POLDIP3: variants seen among roughly 807,000 people sequenced by gnomAD.
POLDIP3 encodes polymerase delta-interacting protein 3.
POLDIP3 carries 14 observed loss-of-function variants against 45.1 expected under a neutral mutation model. The observed-to-expected ratio is 0.31, with a 90% CI of 0.20 to 0.49. POLDIP3 has a LOEUF of 0.49. Among genes scored for constraint, POLDIP3 ranks in the 20% least tolerant of loss-of-function variants. The pLI is 0.99. For synonymous variants in POLDIP3, 223 were observed against 205.2 expected, an observed-to-expected ratio of 1.09 and a Z score of -0.74; for missense variants, 511 against 538.8, an observed-to-expected ratio of 0.95 and a Z score of 0.51.
Position 42,594,961 on chromosome 22 carries a change from C to A in POLDIP3, c.891+576G>T, listed in dbSNP as rs148844756. 6.8e-4 allele frequency among the ~76,000 whole-genome samples: 103 copies of A among 152,332 alleles called. No homozygotes were observed. In the East Asian group the frequency reaches 0.017, roughly 25 times the overall value. On this transcript the variant is annotated intron_variant, in intron 6 of 8. Coordinates refer to ENST00000252115, the MANE Select transcript of POLDIP3 (RefSeq NM_032311.5). ...CCCTGACTCTGAGATTCAGGCCAGGCACCTGGCCTTGGCTAGAAGCTGTGC... is the reference window on the plus strand; with the variant it reads ...CCCTGACTCTGAGATTCAGGCCAGGAACCTGGCCTTGGCTAGAAGCTGTGC...
chr22:42,603,393 T>C (rs1926525594), intron 1 of POLDIP3, among the ~76,000 whole-genome samples: 1 of 106,126 alleles, frequency 9.4e-6, no homozygotes, highest in African/African-American at 5.0e-5. Context: ...TGGCAAGTTT[T>C]ATTCCTAGTT....
In POLDIP3 at chr22:42,585,092, A is replaced by C. The variant is rs1018972454; in HGVS notation, c.*699T>G. ...GGGGTGGGGCATTCAGCACAACTCAAGGAAAAGGGAAAGGTGAACTCTGGA... is the reference window on the plus strand; with the variant it reads ...GGGGTGGGGCATTCAGCACAACTCACGGAAAAGGGAAAGGTGAACTCTGGA... On this transcript the variant is annotated 3_prime_UTR_variant, in exon 9 of 9. Coordinates refer to ENST00000252115, the MANE Select transcript of POLDIP3 (RefSeq NM_032311.5). 1 of 441,610 alleles carries C rather than the reference A, an allele frequency of 2.3e-6. No individual in the cohort carries two copies. The highest frequency in any genetic ancestry group is 2.0e-5 in the African/African-American group (1 of 49,254). 27.4% of individuals were successfully genotyped at this position (441,610 alleles called of 1,614,324 possible). A position where few individuals can be genotyped will look rare whatever the true frequency, so the allele number is the denominator to read the frequency against.
chr22:42,605,284 C>A (rs187304580), intron 1 of POLDIP3, among the ~76,000 whole-genome samples: 1 of 152,208 alleles, frequency 6.6e-6, no homozygotes, highest in Non-Finnish European at 1.5e-5. Flanking sequence ...CCCGCCACCA[C>A]GGCCGGCTAA....
chr22:42,607,604 G>A (rs936128554), intron 1 of POLDIP3, among the ~76,000 whole-genome samples: 3 of 149,916 alleles, frequency 2.0e-5, no homozygotes, highest in Non-Finnish European at 1.5e-5. Context: ...CTGCCCGGCC[G>A]TCCAGTCTGG....
intron 1 of POLDIP3, among the ~76,000 whole-genome samples, chr22:42,612,900 C>T (rs1412403388): frequency 1.3e-5 from 2 of 152,182 alleles, no homozygotes; most frequent in African/African-American, 2.4e-5. Flanking sequence ...AGTGAGGAAA[C>T]TGCCTAGTTC....
rs370107416 is a variant in POLDIP3, at chr22:42,594,550, T to A, written c.891+987A>T. On this transcript the variant is annotated intron_variant, in intron 6 of 8. Transcript: ENST00000252115. ...ACAAAACAAAAAGATTTAACAAATGTAGTGACCAGTGCAGTCTGTTAGTCT... is the reference window on the plus strand; with the variant it reads ...ACAAAACAAAAAGATTTAACAAATGAAGTGACCAGTGCAGTCTGTTAGTCT... Among the ~76,000 whole-genome samples, 15 of 152,128 alleles carry A rather than the reference T, an allele frequency of 9.9e-5. No homozygotes were observed. The East Asian group carries it at 1.2e-3, about 12-fold the overall frequency.
Position 42,596,171 on chromosome 22 carries a change from C to A in POLDIP3, c.813+15G>T. On this transcript the variant is annotated intron_variant, in intron 5 of 8. Coordinates refer to ENST00000252115, the MANE Select transcript of POLDIP3 (RefSeq NM_032311.5). ...CTCCTGACCCCAACTGCTGCAGTCA[C>A]CACCATCACCTCACCTCAGCAGCTG... is the stretch of plus-strand genomic sequence containing the variant. The A allele has an allele frequency of 6.2e-7, 1 of 1,613,160 alleles. No homozygotes were observed. Among genetic ancestry groups the A allele is most frequent in the Non-Finnish European group, 8.5e-7 (1 of 1,179,496 alleles).
rs553143769 is a variant in POLDIP3 at position 42,614,090 on chromosome 22, A to T, written c.59+709T>A. The stretch of plus-strand genomic sequence containing the variant: ...ACACACCAGTTTTTCAAGCCCATGT[A>T]GGAGGCCAACTCAGCCAGCAATTAA... On this transcript the variant is annotated intron_variant, in intron 1 of 8. Coordinates refer to ENST00000252115, the MANE Select transcript of POLDIP3 (RefSeq NM_032311.5). 8.5e-5 allele frequency among the ~76,000 whole-genome samples: 13 copies of T among 152,298 alleles called. No homozygotes were observed. In the South Asian group the frequency reaches 2.7e-3, roughly 32 times the overall value.
intron 1 of POLDIP3, among the ~76,000 whole-genome samples, chr22:42,610,700 C>T (rs1177718043): frequency 5.3e-5 from 8 of 152,112 alleles, no homozygotes; most frequent in Non-Finnish European, 1.0e-4. Flanking sequence ...TCCAGGAGTT[C>T]GAAACCAGCC....
Position 42,599,669 on chromosome 22 carries a change from G to A in POLDIP3, c.633+29C>T, listed in dbSNP as rs371084898. 1.0e-5 allele frequency: 15 copies of A among 1,492,850 alleles called. No homozygotes were observed. The East Asian group carries it at 1.1e-4, about 11-fold the overall frequency. 92.5% of individuals were successfully genotyped at this position (1,492,850 alleles called of 1,614,324 possible). A position where few individuals can be genotyped will look rare whatever the true frequency, so the allele number is the denominator to read the frequency against. On this transcript the variant is annotated intron_variant, in intron 4 of 8. Coordinates refer to ENST00000252115, the MANE Select transcript of POLDIP3 (RefSeq NM_032311.5). Reference sequence around the variant, plus strand: ...CTCTCCCACCTGCCTGATCAGACACGCAGTGTAAGAAAACATGAAATGCCA... The same window carrying A: ...CTCTCCCACCTGCCTGATCAGACACACAGTGTAAGAAAACATGAAATGCCA...
At chr22:42,592,224 G>A (rs967647157) in intron 6 of POLDIP3, 140 bp from the exon 7 acceptor site, 13 of 1,257,856 alleles carry the variant, frequency 1.0e-5, no homozygotes, top group Admixed American at 2.1e-5. Flanking sequence ...GGCTCCACGC[G>A]AGGTGGTGCT....
intron 8 of POLDIP3, among the ~76,000 whole-genome samples, chr22:42,586,426 C>T (rs983420768): frequency 2.0e-5 from 3 of 152,088 alleles, no homozygotes; most frequent in Non-Finnish European, 2.9e-5. Context: ...CTTCCAGGCT[C>T]AAGCGATCCT....
intron 1 of POLDIP3, 73 bp from the exon 2 acceptor site, chr22:42,603,233 G>C: frequency 1.3e-6 from 2 of 1,514,052 alleles, no homozygotes; most frequent in East Asian, 2.3e-5. Flanking sequence ...CGGAACTGTG[G>C]TAACACTGGG....
At chr22:42,607,096 C>A (rs1037515783) in intron 1 of POLDIP3, among the ~76,000 whole-genome samples, 21 of 152,218 alleles carry the variant, frequency 1.4e-4, no homozygotes, top group Non-Finnish European at 2.1e-4. Flanking sequence ...AAAACCCTGT[C>A]TCTACAAAAG....
chr22:42,597,905 G>A (rs778279476), intron 4 of POLDIP3, among the ~76,000 whole-genome samples: 6 of 148,040 alleles, frequency 4.1e-5, no homozygotes, highest in Non-Finnish European at 8.9e-5. Flanking sequence ...TCAGCCTCCC[G>A]AGCAGCTGGG....
intron 3 of POLDIP3, among the ~76,000 whole-genome samples, chr22:42,600,791 G>C (rs1926314621): frequency 6.6e-6 from 1 of 152,098 alleles, no homozygotes; most frequent in Non-Finnish European, 1.5e-5. Context: ...CCAACATGGA[G>C]AAACACCGTC....
At chr22:42,593,626 C>T (rs1925805222) in intron 6 of POLDIP3, among the ~76,000 whole-genome samples, 1 of 152,216 alleles carries the variant, frequency 6.6e-6, no homozygotes, top group Non-Finnish European at 1.5e-5. Context: ...CTAAGTGATT[C>T]TCCTGCCTTA....
chr22:42,596,211 G>A lies in POLDIP3; in HGVS notation c.788C>T (p.Pro263Leu), dbSNP rs1373755599. The change falls in exon 5 of 9, where the codon CCC becomes CTC. Residue 263 changes from proline (P) to leucine (L), a missense_variant. Physicochemically the swap from Pro to Leu is moderately conservative, Grantham distance 98. Transcript: ENST00000252115. ...CTCAGCAGCTGGCAGCTCTTTGGGG[G>A]GTTCTTCCTTGTTCACCAGTGTCCG... ...MSRTLVNKEE[P>L]PKELPAAEPV... 1.2e-6 allele frequency: 2 copies of A among 1,614,178 alleles called. No homozygotes were observed. The highest frequency in any genetic ancestry group is 1.7e-5 in the Admixed American group (1 of 60,018).
Position 42,591,956 on chromosome 22 carries a change from G to A in POLDIP3, c.1020C>T (p.Asp340=), listed in dbSNP as rs761616063. 1.0e-4 allele frequency: 163 copies of A among 1,614,002 alleles called. No homozygotes were observed. Among genetic ancestry groups the A allele is most frequent in the Admixed American group, 2.2e-4 (13 of 60,004 alleles). Residue 340 remains aspartate, a splice_region_variant and synonymous_variant, in exon 7 of 9, where the codon GAC becomes GAT. Coordinates refer to ENST00000252115, the MANE Select transcript of POLDIP3 (RefSeq NM_032311.5). ...AYKKYNNRCL[D]GQPMKCNLHM... ...GGGACTGCTTTCTCCCTAACTTACCGTCCAGACACCGGTTGTTGTACTTCT... is the reference window on the plus strand; with the variant it reads ...GGGACTGCTTTCTCCCTAACTTACCATCCAGACACCGGTTGTTGTACTTCT...
Sources: allele counts gnomAD v4.1 joint callset (sites outside exome capture counted in the v4.1 genomes callset), GRCh38; gene constraint gnomAD v4.1.1; transcripts MANE v1.5; gene names NCBI Gene and HGNC (gene_info 2026-07-23, HGNC 2026-07-21).